PMP22: variants seen among roughly 807,000 people sequenced by gnomAD.
PMP22 encodes the protein Charcot-Marie-Tooth neuropathy 1A (greatly reduced nerve conduction velocity, hereditary motor sensory neuropathy Ia).
Under a neutral mutation model 18.9 loss-of-function variants are expected in PMP22, and 2 were observed. The ratio of observed to expected loss-of-function variants is 0.11; its 90% CI spans 0.04 to 0.33. The LOEUF (loss-of-function observed/expected upper bound fraction) is 0.33. PMP22 is among the 10% of genes least tolerant of loss of function. The probability of loss-of-function intolerance (pLI) is 1.00; values close to 1 mark genes in which losing one functional copy is unlikely to be tolerated. For synonymous variants in PMP22, 95 were observed against 89.2 expected, an observed-to-expected ratio of 1.07 and a Z score of -0.37; for missense variants, 169 against 202.2, an observed-to-expected ratio of 0.84 and a Z score of 1.00.
chr17:15,245,510 G>A (rs963712017), intron 3 of PMP22, among the ~76,000 whole-genome samples: 4 of 152,214 alleles, frequency 2.6e-5, no homozygotes, highest in African/African-American at 9.6e-5. Context: ...TCTGCTTTAC[G>A]TACTTGAGGC....
In PMP22 at chr17:15,250,109, A is replaced by G. The variant is rs566251476; in HGVS notation, c.178+8985T>C. 5.5e-3 allele frequency among the ~76,000 whole-genome samples: 832 copies of G among 152,208 alleles called. 9 individuals carry two copies. The highest frequency in any genetic ancestry group is 0.019 in the African/African-American group (784 of 41,514). ...TTTGTTTTGTATTTTTAGTAGAGAC[A>G]GGGTTTCACCGTGTTAGCCAGGATG... On this transcript the variant is annotated intron_variant, in intron 3 of 4. Transcript: ENST00000312280.
intron 2 of PMP22, 32 bp from the exon 3 acceptor site, chr17:15,259,225 G>T: frequency 6.7e-7 from 1 of 1,482,776 alleles, no homozygotes; most frequent in Non-Finnish European, 9.4e-7. Flanking sequence ...TCCTGAGTCA[G>T]GGAGGGAGGG....
intron 3 of PMP22, among the ~76,000 whole-genome samples, chr17:15,243,287 G>A (rs968892239): frequency 1.3e-5 from 2 of 151,998 alleles, no homozygotes; most frequent in South Asian, 4.1e-4. Flanking sequence ...CATAAAAGAA[G>A]TACTAAAGAA....
chr17:15,243,656 T>C (rs141316212), intron 3 of PMP22, among the ~76,000 whole-genome samples: 9,712 of 149,124 alleles, frequency 0.065, 479 homozygotes, highest in East Asian at 0.17. Context: ...TATATAATTA[T>C]AGAACATATC....
intron 3 of PMP22, among the ~76,000 whole-genome samples, chr17:15,246,335 T>A (rs1377057598): frequency 6.6e-6 from 1 of 152,202 alleles, no homozygotes; most frequent in Non-Finnish European, 1.5e-5. Context: ...GTGTGACCCA[T>A]TCCTTCAATA....
intron 3 of PMP22, among the ~76,000 whole-genome samples, chr17:15,257,768 T>C (rs1420743642): frequency 3.3e-5 from 5 of 152,212 alleles, no homozygotes; most frequent in Non-Finnish European, 5.9e-5. Context: ...TAAGCACTGT[T>C]CTCACTCCAA....
intron 2 of PMP22, among the ~76,000 whole-genome samples, chr17:15,259,601 C>T (rs1254785881): frequency 6.6e-6 from 1 of 152,036 alleles, no homozygotes; most frequent in Admixed American, 6.6e-5. Flanking sequence ...AAATGTTAAA[C>T]TAAGTCACAA....
chr17:15,242,039 G>T (rs1383499020), intron 3 of PMP22, among the ~76,000 whole-genome samples: 1 of 151,980 alleles, frequency 6.6e-6, no homozygotes, highest in Non-Finnish European at 1.5e-5. Context: ...ATCACTTGAG[G>T]CCAGGAGTTC....
At chr17:15,262,740 A>G (rs1046570196) in intron 1 of PMP22, among the ~76,000 whole-genome samples, 2 of 152,196 alleles carry the variant, frequency 1.3e-5, no homozygotes, top group African/African-American at 4.8e-5. Flanking sequence ...CGGTCCCTGC[A>G]AAACCGCGGC....
At chr17:15,252,099 C>T (rs952319373) in intron 3 of PMP22, among the ~76,000 whole-genome samples, 1 of 152,004 alleles carries the variant, frequency 6.6e-6, no homozygotes, top group East Asian at 1.9e-4. Flanking sequence ...GAGGGAGCCA[C>T]GAAGATTTTA....
rs189205303 is a variant in PMP22, at chr17:15,239,524, G to T, written c.266C>A (p.Thr89Asn). 6.2e-7 allele frequency: 1 copy of T among 1,614,086 alleles called. No individual in the cohort carries two copies. Among genetic ancestry groups the T allele is most frequent in the East Asian group, 2.2e-5 (1 of 44,874 alleles). ...GTAAAACCTGCCCCCCTTGGTGAGG[G>T]TGAAGAGTTGGCAGAAGAACAGGAA... ...SLFLFFCQLF[T>N]LTKGGRFYIT... Residue 89 changes from threonine to asparagine, a missense_variant, in exon 4 of 5, where the codon ACC becomes AAC. Thr to Asn is a moderately conservative substitution (Grantham distance 65). Coordinates refer to ENST00000312280, the MANE Select transcript of PMP22 (RefSeq NM_000304.4).
chr17:15,251,983 A>G (rs1276441168), intron 3 of PMP22, among the ~76,000 whole-genome samples: 1 of 152,118 alleles, frequency 6.6e-6, no homozygotes, highest in Admixed American at 6.6e-5. Flanking sequence ...GCATGTTGAC[A>G]ACACATTCCG....
At chr17:15,241,863 C>T (rs1045421229) in intron 3 of PMP22, among the ~76,000 whole-genome samples, 5 of 152,064 alleles carry the variant, frequency 3.3e-5, no homozygotes, top group African/African-American at 1.2e-4. Flanking sequence ...TCTGATGATC[C>T]AGAGATGAAG....
intron 3 of PMP22, among the ~76,000 whole-genome samples, chr17:15,253,299 T>G (rs1269869941): frequency 6.6e-6 from 1 of 152,168 alleles, no homozygotes; most frequent in African/African-American, 2.4e-5. Flanking sequence ...AAACCAATTT[T>G]CTAACATAAA....
intron 3 of PMP22, among the ~76,000 whole-genome samples, chr17:15,256,259 C>T (rs1908817482): frequency 6.6e-6 from 1 of 152,114 alleles, no homozygotes; most frequent in East Asian, 1.9e-4. Flanking sequence ...CCAGGAGGCC[C>T]CATTCATGTA....
intron 4 of PMP22, among the ~76,000 whole-genome samples, chr17:15,234,852 C>T (rs1906660408): frequency 6.6e-6 from 1 of 151,396 alleles, no homozygotes; most frequent in African/African-American, 2.4e-5. Context: ...CTCACTCTGT[C>T]ACCAGGCTGG....
At chr17:15,236,445 T>TC (rs1322830143) in intron 4 of PMP22, among the ~76,000 whole-genome samples, 1 of 149,688 alleles carries the variant, frequency 6.7e-6, no homozygotes, top group Non-Finnish European at 1.5e-5. Context: ...CACAGCCACT[T>TC]CCGGAGACTA....
chr17:15,251,438 T>TAGGACAGGCTCAA (rs1908335181), intron 3 of PMP22, among the ~76,000 whole-genome samples: 1 of 151,980 alleles, frequency 6.6e-6, no homozygotes, highest in Admixed American at 6.6e-5. Context: ...GCCCAGTACA[T>TAGGACAGGCTCAA]AGGACAGGCT....
rs1909360043 is a variant in PMP22, at chr17:15,261,705, G to A, written c.-34-944C>T. The A allele has an allele frequency of 6.6e-6, 1 of 152,286 alleles. No individual in the cohort carries two copies. Among genetic ancestry groups the A allele is most frequent in the African/African-American group, 2.4e-5 (1 of 41,462 alleles). The allele number at this position is 152,286 out of a possible 1,614,324, so 9.4% of individuals were successfully genotyped here. A position where few individuals can be genotyped will look rare whatever the true frequency, so the allele number is the denominator to read the frequency against. ...AGCGGACGGGAGAGAGAGACAGAGG[G>A]TAAAAGGCTGAGTCCGAGAATTTCA... is the stretch of plus-strand genomic sequence containing the variant. On this transcript the variant is annotated intron_variant, in intron 1 of 4. Transcript: ENST00000312280. The surrounding 1 kb of genome is among the most constrained non-coding windows in gnomAD (Gnocchi z 5.2).
Sources: allele counts gnomAD v4.1 joint callset (sites outside exome capture counted in the v4.1 genomes callset), GRCh38; gene constraint gnomAD v4.1.1; non-coding constraint Gnocchi (gnomAD v3.1); transcripts MANE v1.5; gene names NCBI Gene and HGNC (gene_info 2026-07-23, HGNC 2026-07-21).